Variants in PRPF6 observed in about 807,000 individuals in gnomAD.
PRPF6 encodes the protein pre-mRNA processing factor 6, also known as pre-mRNA-processing factor 6.
In PRPF6, 42 loss-of-function variants were observed where a neutral mutation model predicts 118.3. The ratio of observed to expected loss-of-function variants is 0.35; its 90% CI spans 0.28 to 0.46. The LOEUF (loss-of-function observed/expected upper bound fraction) is 0.46. Among genes scored for constraint, PRPF6 ranks in the 20% least tolerant of loss-of-function variants. The pLI is 1.00. For synonymous variants in PRPF6, 481 were observed against 485.1 expected (o/e 0.99, Z 0.11); for missense variants, 662 against 1,255.7 (o/e 0.53, Z 7.15).
chr20:63,981,287 C>T lies in PRPF6; in HGVS notation c.42C>T (p.Pro14=), dbSNP rs186249212. ...AACCGTTCCTAGGGATGCCCGCGCC[C>T]CTCGGCTACGTGCCGGGGCTGGGCC... ...KKKPFLGMPA[P]LGYVPGLGRG... is the part of the protein sequence containing the mutation. The change falls in exon 1 of 21, where the codon CCC becomes CCT. Residue 14 remains proline (P), a synonymous_variant. Transcript: ENST00000266079. 922 of 1,607,534 alleles carry T rather than the reference C, an allele frequency of 5.7e-4. 16 individuals carry two copies. The East Asian group carries it at 0.019, about 33-fold the overall frequency.
intron 9 of PRPF6, among the ~76,000 whole-genome samples, chr20:64,002,818 A>G (rs1410094364): frequency 6.7e-6 from 1 of 150,274 alleles, no homozygotes; most frequent in African/African-American, 2.5e-5. Context: ...TAATTTTTGT[A>G]TTTTTAGTAG....
intron 11 of PRPF6, among the ~76,000 whole-genome samples, chr20:64,015,847 G>C (rs1203095507): frequency 6.6e-6 from 1 of 152,126 alleles, no homozygotes; most frequent in African/African-American, 2.4e-5. Context: ...AAGAATAGGG[G>C]CTGGGTGTGG....
chr20:63,995,418 G>A lies in PRPF6; in HGVS notation c.707G>A (p.Gly236Asp). ...MTPGLMTPGT[G>D]ELDMRKIGQA... ...CCAGGACTGATGACACCTGGCACAG[G>A]TGAGCTGGACATGAGGAAGATTGGC... The change falls in exon 6 of 21, where the codon GGT (glycine) becomes GAT (aspartate). Residue 236 changes from glycine (G) to aspartate (D), a missense_variant. By Grantham distance (94) the Gly-to-Asp change is moderately conservative. This residue lies in a region of PRPF6 where 97 missense variants were observed against 122.6 expected (regional missense o/e 0.79). Coordinates refer to ENST00000266079, the MANE Select transcript of PRPF6 (RefSeq NM_012469.4). 2 of 1,614,154 alleles carry A rather than the reference G, an allele frequency of 1.2e-6. No individual in the cohort carries two copies. The highest frequency in any genetic ancestry group is 1.7e-6 in the Non-Finnish European group (2 of 1,180,042).
chr20:64,000,222 C>T (rs910368721), intron 8 of PRPF6, among the ~76,000 whole-genome samples: 1 of 152,244 alleles, frequency 6.6e-6, no homozygotes, highest in East Asian at 1.9e-4. Context: ...GTCACGGTGG[C>T]TCACGCCTGT....
At chr20:64,015,356 C>T (rs1322189048) in intron 11 of PRPF6, among the ~76,000 whole-genome samples, 1 of 152,218 alleles carries the variant, frequency 6.6e-6, no homozygotes, top group Non-Finnish European at 1.5e-5. Flanking sequence ...TTCTTCTCAC[C>T]ACTGACCTTT....
In PRPF6 at chr20:64,029,481, G is replaced by A; in HGVS notation, c.2536G>A (p.Ala846Thr). ...KCEHDPHVLL[A>T]VAKLFWSQRK... The stretch of plus-strand genomic sequence containing the variant: ...TGAGCATGACCCCCATGTGCTCCTG[G>A]CCGTGGCCAAGTGAGTGGGGCCCCC... Residue 846 changes from alanine to threonine, a missense_variant, in exon 19 of 21, where the codon GCC becomes ACC. Ala to Thr is a moderately conservative substitution (Grantham distance 58, BLOSUM62 0). Coordinates refer to ENST00000266079, the MANE Select transcript of PRPF6 (RefSeq NM_012469.4). This position sits in a 1 kb window ranked among gnomAD's most constrained non-coding sequence, Gnocchi z 4.8. The A allele has an allele frequency of 1.2e-6, 2 of 1,614,116 alleles. No individual in the cohort carries two copies. Among genetic ancestry groups the A allele is most frequent in the Non-Finnish European group, 1.7e-6 (2 of 1,180,032 alleles).
At chr20:64,003,099 A>C (rs996724902) in intron 9 of PRPF6, among the ~76,000 whole-genome samples, 1 of 151,802 alleles carries the variant, frequency 6.6e-6, no homozygotes. Flanking sequence ...TCCCACCCCC[A>C]TGCCCAGCTA....
rs1031725040 is a variant in PRPF6 at position 64,000,940 on chromosome 20, A to G, written c.1024-137A>G. 3 of 827,382 alleles carry G rather than the reference A, an allele frequency of 3.6e-6. No individual in the cohort carries two copies. The African/African-American group carries it at 5.0e-5, about 14-fold the overall frequency. The allele number at this position is 827,382 out of a possible 1,614,324, so 51.3% of individuals were successfully genotyped here. ...GTTATAAGGGGGCGACTCCTGGTGC[A>G]GGTGTGTTAGAGGCTGAGCTAATTG... is the stretch of plus-strand genomic sequence containing the variant. On this transcript the variant is annotated intron_variant, in intron 8 of 20. Coordinates refer to ENST00000266079, the MANE Select transcript of PRPF6 (RefSeq NM_012469.4).
At chr20:63,991,296 C>T (rs571855550) in intron 3 of PRPF6, among the ~76,000 whole-genome samples, 4 of 151,516 alleles carry the variant, frequency 2.6e-5, no homozygotes, top group South Asian at 4.2e-4. Context: ...TGCACATGCC[C>T]GTAGTTCCAG....
chr20:64,029,285 G>C lies in PRPF6; in HGVS notation c.2432-92G>C. On this transcript the variant is annotated intron_variant, in intron 18 of 20. Transcript: ENST00000266079. The surrounding 1 kb of genome is among the most constrained non-coding windows in gnomAD (Gnocchi z 4.8). ...GTGTGGGAGGCCCCTGTCGTGGTCT[G>C]AGGACGTCCCGGGTTAGAATCTGTA... 8.7e-7 allele frequency: 1 copy of C among 1,154,428 alleles called. No homozygotes were observed. The highest frequency in any genetic ancestry group is 1.7e-5 in the Admixed American group (1 of 59,074). The allele number at this position is 1,154,428 out of a possible 1,614,324, so 71.5% of individuals were successfully genotyped here.
chr20:64,028,639 A>AGG lies in PRPF6; in HGVS notation c.2431+74_2431+75dup. Reference sequence around the variant, plus strand: ...GTAAGGGGGTGCCTTGACTCCGGTAAGGGGGTGCTTCCTGGCTTCCCAGAC... The same window carrying AGG: ...GTAAGGGGGTGCCTTGACTCCGGTAAGGGGGGGTGCTTCCTGGCTTCCCAGAC... On this transcript the variant is annotated intron_variant, in intron 18 of 20. Coordinates refer to ENST00000266079, the MANE Select transcript of PRPF6 (RefSeq NM_012469.4). This position sits in a 1 kb window ranked among gnomAD's most constrained non-coding sequence, Gnocchi z 6.5. The AGG allele has an allele frequency of 1.3e-6, 2 of 1,556,334 alleles. No homozygotes were observed. The highest frequency in any genetic ancestry group is 1.8e-6 in the Non-Finnish European group (2 of 1,141,938).
chr20:63,990,637 T>C (rs2059114528), intron 3 of PRPF6, among the ~76,000 whole-genome samples: 1 of 142,614 alleles, frequency 7.0e-6, no homozygotes, highest in South Asian at 2.3e-4. Context: ...ACCCAGCTAA[T>C]TTTTCTTTTT....
rs146353858 is a variant in PRPF6 at position 64,005,000 on chromosome 20, G to A, written c.1186+3761G>A. Among the ~76,000 whole-genome samples the A allele has an allele frequency of 2.0e-3, 304 of 152,310 alleles. 3 individuals are homozygous for A. The East Asian group carries it at 0.031, about 15-fold the overall frequency. On this transcript the variant is annotated intron_variant, in intron 9 of 20. Coordinates refer to ENST00000266079, the MANE Select transcript of PRPF6 (RefSeq NM_012469.4). ...CTTCCCTGCAGTCACGTGACCCCCG[G>A]AGAGCATGTTGGCCTCTGCACGGTC...
chr20:64,010,429 C>A, intron 10 of PRPF6, 111 bp downstream of exon 10: 1 of 942,144 alleles, frequency 1.1e-6, no homozygotes, highest in Non-Finnish European at 1.7e-6. Context: ...ACTCAGGCTG[C>A]AATTTCTGGG....
intron 19 of PRPF6, 102 bp from the exon 20 acceptor site, chr20:64,031,816 T>C: frequency 6.6e-7 from 1 of 1,523,916 alleles, no homozygotes; most frequent in Non-Finnish European, 9.1e-7. Context: ...GCACCAGGGC[T>C]GCGGGTCAGG....
Position 64,011,518 on chromosome 20 carries a change from G to A in PRPF6, c.1524+15G>A, listed in dbSNP as rs2059217140. The A allele has an allele frequency of 6.2e-7, 1 of 1,604,304 alleles. No homozygotes were observed. The highest frequency in any genetic ancestry group is 8.5e-7 in the Non-Finnish European group (1 of 1,176,128). On this transcript the variant is annotated intron_variant, in intron 11 of 20. Coordinates refer to ENST00000266079, the MANE Select transcript of PRPF6 (RefSeq NM_012469.4). This position sits in a 1 kb window ranked among gnomAD's most constrained non-coding sequence, Gnocchi z 6.7. ...AGTGGATCCAGGTGGGCCGCAGGCG[G>A]GTGTCGTGGTGTCTGCTTTAACAGT...
At chr20:64,013,210 C>A (rs1442132003) in intron 11 of PRPF6, among the ~76,000 whole-genome samples, 1 of 152,098 alleles carries the variant, frequency 6.6e-6, no homozygotes, top group Non-Finnish European at 1.5e-5. Context: ...AGCAACCTGC[C>A]CGCCTTGGTC....
chr20:64,032,750 G>GC (rs112404136), intron 20 of PRPF6, 91 bp from the exon 21 acceptor site: 83,355 of 1,510,808 alleles, frequency 0.055, 2,598 homozygotes, highest in Middle Eastern at 0.12. Flanking sequence ...TGCTGCCAGG[G>GC]CCAGGTCTGC....
intron 3 of PRPF6, among the ~76,000 whole-genome samples, chr20:63,988,863 C>T (rs1416023561): frequency 2.0e-5 from 3 of 147,448 alleles, no homozygotes; most frequent in Admixed American, 1.4e-4. Flanking sequence ...AGTGAGACTC[C>T]GTCTCAAAAA....
Sources: gnomAD v4.1 joint callset for allele counts (sites outside exome capture counted in the v4.1 genomes callset) on GRCh38, gnomAD v4.1.1 for gene constraint, gnomAD v4.1.1 regional missense constraint, Gnocchi (gnomAD v3.1) non-coding constraint, MANE v1.5 for transcripts, NCBI Gene and HGNC (gene_info 2026-07-23, HGNC 2026-07-21) for gene names.